DNAH11: variants seen among roughly 807,000 people sequenced by gnomAD.
DNAH11 encodes the protein dynein axonemal heavy chain 11.
A neutral mutation model predicts 526.0 loss-of-function variants in DNAH11; 442 were observed. The ratio of observed to expected loss-of-function variants is 0.84; its 90% confidence interval spans 0.78 to 0.91. The LOEUF (loss-of-function observed/expected upper bound fraction) is 0.91, where lower values mean the gene tolerates loss of function less well. Ranked by LOEUF, DNAH11 falls within the 40% of genes least tolerant of loss-of-function variation. The pLI, the probability that DNAH11 is intolerant of heterozygous loss-of-function variation, is 0.00. For synonymous variants in DNAH11, 2,461 were observed against 1,935.9 expected, an observed-to-expected ratio of 1.27 and a Z score of -7.12; for missense variants, 6,989 against 5,448.7, an observed-to-expected ratio of 1.28 and a Z score of -8.90.
chr7:21,821,590 C>A (rs1790052463), intron 65 of DNAH11, among the ~76,000 whole-genome samples: 1 of 152,038 alleles, frequency 6.6e-6, no homozygotes, highest in African/African-American at 2.4e-5. Context: ...ATTGCTACGT[C>A]ATAGTTGTAC....
intron 30 of DNAH11, among the ~76,000 whole-genome samples, chr7:21,678,734 G>A (rs905888431): frequency 2.6e-5 from 4 of 152,058 alleles, no homozygotes; most frequent in African/African-American, 9.6e-5. Flanking sequence ...TTTTTTCCTT[G>A]GAGTTTTGTA....
intron 15 of DNAH11, 52 bp from the exon 16 acceptor site, chr7:21,600,624 G>C: frequency 6.6e-7 from 1 of 1,509,430 alleles, no homozygotes; most frequent in Non-Finnish European, 8.9e-7. Context: ...GTAGATAATT[G>C]GTAAAGTAAG....
At chr7:21,572,277 A>T (rs565342015) in intron 8 of DNAH11, among the ~76,000 whole-genome samples, 1 of 152,320 alleles carries the variant, frequency 6.6e-6, no homozygotes, top group Non-Finnish European at 1.5e-5. Flanking sequence ...TCTGATGTCC[A>T]TGTAACTCGT....
Position 21,588,442 on chromosome 7 carries a change from C to T in DNAH11, c.1849-70C>T. The stretch of plus-strand genomic sequence containing the variant: ...GTAAAAATACCAAAATGAAAAATTG[C>T]TTACAGGGTTGGAAACCATTCTGAC... On this transcript the variant is annotated intron_variant, in intron 10 of 81. Coordinates refer to ENST00000409508, the MANE Select transcript of DNAH11 (RefSeq NM_001277115.2). 8 of 1,564,760 alleles carry T rather than the reference C, an allele frequency of 5.1e-6. No individual in the cohort carries two copies. The South Asian group carries it at 7.0e-5, about 14-fold the overall frequency.
chr7:21,681,263 CG>C (rs1783123648), intron 30 of DNAH11, among the ~76,000 whole-genome samples: 1 of 151,826 alleles, frequency 6.6e-6, no homozygotes, highest in African/African-American at 2.4e-5. Context: ...CATGTCCCTA[CG>C]AAAAATATAA....
intron 80 of DNAH11, 24 bp downstream of exon 80, chr7:21,899,472 CCT>C (rs755465686): frequency 1.3e-6 from 2 of 1,551,062 alleles, no homozygotes; most frequent in Admixed American, 1.7e-5. Context: ...CAGTGCAGCC[CCT>C]GATGCACACA....
At chr7:21,632,591 T>C (rs746925815) in intron 25 of DNAH11, among the ~76,000 whole-genome samples, 3 of 152,180 alleles carry the variant, frequency 2.0e-5, no homozygotes, top group Non-Finnish European at 4.4e-5. Flanking sequence ...GGGGAAAAAC[T>C]CCACCAGTCT....
chr7:21,574,894 T>TTTTTTTG (rs1784027744), intron 8 of DNAH11, among the ~76,000 whole-genome samples: 2 of 98,016 alleles, frequency 2.0e-5, no homozygotes, highest in Non-Finnish European at 4.1e-5. Flanking sequence ...TTTTTTTTTT[T>TTTTTTTG]GAGACAGTTT....
At chr7:21,623,945 C>T (rs559619027) in intron 25 of DNAH11, among the ~76,000 whole-genome samples, 9 of 150,528 alleles carry the variant, frequency 6.0e-5, no homozygotes, top group African/African-American at 2.2e-4. Flanking sequence ...TGCACATGTA[C>T]CCTAAAACTT....
rs1462325849 is a variant in DNAH11 at position 21,545,787 on chromosome 7, G to A, written c.495+638G>A. Among the ~76,000 whole-genome samples the A allele has an allele frequency of 1.3e-5, 2 of 152,196 alleles. 1 individual carries two copies. The highest frequency in any genetic ancestry group is 4.8e-5 in the African/African-American group (2 of 41,462). On this transcript the variant is annotated intron_variant, in intron 2 of 81. Coordinates refer to ENST00000409508, the MANE Select transcript of DNAH11 (RefSeq NM_001277115.2). ...AGTCTAGAGTGGAGCCCGAGGTTCTGCATTTCTAACCTGTTGCTGATGCTC... is the reference window on the plus strand; with the variant it reads ...AGTCTAGAGTGGAGCCCGAGGTTCTACATTTCTAACCTGTTGCTGATGCTC...
intron 73 of DNAH11, 37 bp downstream of exon 73, chr7:21,869,028 AC>A: frequency 1.2e-6 from 2 of 1,612,594 alleles, no homozygotes; most frequent in Non-Finnish European, 1.7e-6. Context: ...CTGGGCATAA[AC>A]ACAGAGGAGG....
chr7:21,895,994 G>A (rs1402786427), intron 79 of DNAH11, among the ~76,000 whole-genome samples: 1 of 152,156 alleles, frequency 6.6e-6, no homozygotes, highest in Non-Finnish European at 1.5e-5. Flanking sequence ...CTCCCAAAGT[G>A]CTGGGATTAC....
chr7:21,812,641 G>A (rs1789579907), intron 63 of DNAH11, among the ~76,000 whole-genome samples: 1 of 152,154 alleles, frequency 6.6e-6, no homozygotes, highest in African/African-American at 2.4e-5. Flanking sequence ...GTGACAGAGT[G>A]AGACCTTATT....
Position 21,738,781 on chromosome 7 carries a change from G to C in DNAH11, c.7726G>C (p.Asp2576His). Residue 2576 changes from aspartate (D) to histidine (H), a missense_variant, in exon 47 of 82, where the codon GAC (aspartate) becomes CAC (histidine). Coordinates refer to ENST00000409508, the MANE Select transcript of DNAH11 (RefSeq NM_001277115.2). The stretch of plus-strand genomic sequence containing the variant: ...AAATAAAAAATTGATTTATTTTATC[G>C]ACGACATGAACATGCCTGAAGTGGA... ...GGNKKLIYFI[D>H]DMNMPEVDLY... is the part of the protein sequence containing the mutation. The C allele has an allele frequency of 6.3e-7, 1 of 1,597,094 alleles. No individual in the cohort carries two copies. Among genetic ancestry groups the C allele is most frequent in the Non-Finnish European group, 8.5e-7 (1 of 1,171,128 alleles).
At chr7:21,710,892 G>T (rs1364145768) in intron 41 of DNAH11, among the ~76,000 whole-genome samples, 189 bp downstream of exon 41, 2 of 152,144 alleles carry the variant, frequency 1.3e-5, no homozygotes, top group African/African-American at 4.8e-5. Flanking sequence ...CAAGGAATAT[G>T]TTCTCTTTGT....
intron 37 of DNAH11, chr7:21,703,356 A>G (rs368331): frequency 0.048 from 7,524 of 155,720 alleles, 269 homozygotes; most frequent in East Asian, 0.14. Context: ...AGAGCAATGG[A>G]TATGTGTTAT....
At chr7:21,879,412 G>T (rs574128792) in intron 74 of DNAH11, among the ~76,000 whole-genome samples, 1 of 151,908 alleles carries the variant, frequency 6.6e-6, no homozygotes, top group Admixed American at 6.6e-5. Flanking sequence ...AGCAGAGATA[G>T]CCCCTCTGGT....
At position 21,690,775 on chromosome 7, in the gene DNAH11, C is replaced by G; in HGVS notation, c.5935C>G (p.Leu1979Val). ...TTCTTTTTATGGTAGATTTGTATTT[C>G]TTGGGGAAGCTATCACACTGAAGCC... ...IRNRKKRFVFLGEAITLKPSV... is the reference protein window; with the variant it reads ...IRNRKKRFVFVGEAITLKPSV... Residue 1979 changes from leucine to valine, a missense_variant, in exon 35 of 82, where the codon CTT becomes GTT. Coordinates refer to ENST00000409508, the MANE Select transcript of DNAH11 (RefSeq NM_001277115.2). The G allele has an allele frequency of 6.2e-7, 1 of 1,605,204 alleles. No homozygotes were observed. The highest frequency in any genetic ancestry group is 8.5e-7 in the Non-Finnish European group (1 of 1,175,564).
chr7:21,727,723 G>A (rs1311734091), intron 45 of DNAH11, among the ~76,000 whole-genome samples: 2 of 152,154 alleles, frequency 1.3e-5, no homozygotes, highest in African/African-American at 4.8e-5. Context: ...TTTATTAGGA[G>A]GCAATTAGTG....
Sources: allele counts gnomAD v4.1 joint callset (sites outside exome capture counted in the v4.1 genomes callset), GRCh38; gene constraint gnomAD v4.1.1; transcripts MANE v1.5; gene names NCBI Gene and HGNC (gene_info 2026-07-23, HGNC 2026-07-21).